PSG3: variants seen among roughly 807,000 people sequenced by gnomAD.
PSG3 encodes the protein pregnancy specific beta-1-glycoprotein 3.
PSG3 carries 61 observed loss-of-function variants against 47.5 expected under a neutral mutation model. The observed-to-expected ratio is 1.28, with a 90% CI of 1.05 to 1.59. PSG3 has a LOEUF of 1.59. Among genes scored for constraint, PSG3 ranks in the 40% most tolerant of loss-of-function variants. The pLI is 0.00. For missense variants in PSG3, 756 were observed against 524.0 expected (o/e 1.44, Z -4.32); for synonymous variants, 263 against 198.4 (o/e 1.33, Z -2.74).
Position 42,729,333 on chromosome 19 carries a change from G to A in PSG3, c.1033C>T (p.His345Tyr), listed in dbSNP as rs758611560. The A allele has an allele frequency of 6.2e-7, 1 of 1,614,126 alleles. No individual in the cohort carries two copies. The highest frequency in any genetic ancestry group is 1.1e-5 in the South Asian group (1 of 91,072). The change falls in exon 5 of 7, where the codon CAT (histidine) becomes TAT (tyrosine). Residue 345 changes from histidine to tyrosine, a missense_variant. Physicochemically the swap from His to Tyr is moderately conservative, Grantham distance 83. Coordinates refer to ENST00000327495, the MANE Select transcript of PSG3 (RefSeq NM_021016.4). ...PRIYPSFTYY[H>Y]SGENLYLSCF... ...GACAAGTAGAGGTTTTCTCCTGAATGGTAATAGGTGAATGAAGGGTAAATT... is the reference window on the plus strand; with the variant it reads ...GACAAGTAGAGGTTTTCTCCTGAATAGTAATAGGTGAATGAAGGGTAAATT...
chr19:42,735,956 T>C (rs1457895076), intron 2 of PSG3, among the ~76,000 whole-genome samples: 3 of 152,196 alleles, frequency 2.0e-5, no homozygotes, highest in Non-Finnish European at 4.4e-5. Flanking sequence ...TGAGTCCATC[T>C]GGTATCTAGT....
chr19:42,725,694 A>G (rs549402627), intron 5 of PSG3, among the ~76,000 whole-genome samples: 1 of 152,124 alleles, frequency 6.6e-6, no homozygotes, highest in African/African-American at 2.4e-5. Context: ...CCCTGTCTCT[A>G]CAAAAAAATA....
chr19:42,739,383 C>T (rs550487328), intron 1 of PSG3: 4 of 398,746 alleles, frequency 1.0e-5, no homozygotes, highest in Non-Finnish European at 1.8e-5. Flanking sequence ...TCCACACTGC[C>T]CTCAGGTCCT....
At chr19:42,730,848 T>C (rs1356592109) in intron 3 of PSG3, among the ~76,000 whole-genome samples, 1 of 152,228 alleles carries the variant, frequency 6.6e-6, no homozygotes, top group Non-Finnish European at 1.5e-5. Context: ...TGTGGATCTT[T>C]CCAGAAATAC....
In PSG3 at chr19:42,721,722, C is replaced by A. The variant is rs1969302889; in HGVS notation, c.*409G>T. 1.1e-5 allele frequency: 4 copies of A among 374,242 alleles called. No homozygotes were observed. The highest frequency in any genetic ancestry group is 1.5e-4 in the South Asian group (1 of 6,780). 23.2% of individuals were successfully genotyped at this position (374,242 alleles called of 1,614,324 possible). A position where few individuals can be genotyped will look rare whatever the true frequency, so the allele number is the denominator to read the frequency against. ...TCCCAATTCTGGGGCACTTAGGGAGCAAAAGCAAATGTTTCAATTTTTGTT... is the reference window on the plus strand; with the variant it reads ...TCCCAATTCTGGGGCACTTAGGGAGAAAAAGCAAATGTTTCAATTTTTGTT... On this transcript the variant is annotated 3_prime_UTR_variant, in exon 7 of 7. Transcript: ENST00000327495.
chr19:42,728,697 C>T (rs1396484354), intron 5 of PSG3, among the ~76,000 whole-genome samples: 3 of 152,230 alleles, frequency 2.0e-5, no homozygotes, highest in Non-Finnish European at 4.4e-5. Flanking sequence ...GCTTCCTCCT[C>T]TCATCTGGGG....
chr19:42,738,955 A>G lies in PSG3; in HGVS notation c.199T>C (p.Trp67Arg). 4 of 1,614,060 alleles carry G rather than the reference A, an allele frequency of 2.5e-6. No homozygotes were observed. The highest frequency in any genetic ancestry group is 1.7e-5 in the Admixed American group (1 of 60,016). ...NLPQNLAGYI[W>R]YKGQMKDLYH... ...AGGTCCTTCATTTGCCCTTTGTACC[A>G]GATGTAGCCAGCAAGATTCTGGGGC... The change falls in exon 2 of 7, where the codon TGG becomes CGG. Residue 67 changes from tryptophan to arginine, a missense_variant. Trp to Arg is a moderately radical substitution (Grantham distance 101). Transcript: ENST00000327495.
Position 42,740,346 on chromosome 19 carries a change from G to T in PSG3, c.39C>A (p.Ile13=), listed in dbSNP as rs371347469. Residue 13 remains isoleucine (I), a synonymous_variant, in exon 1 of 7, where the codon ATC becomes ATA. Coordinates refer to ENST00000327495, the MANE Select transcript of PSG3 (RefSeq NM_021016.4). The stretch of plus-strand genomic sequence containing the variant: ...CTGTGAGCAGGAGCCCCTTCCAGGT[G>T]ATGCGCTGTGTGCAGGGAGGGGCTG... ...PLSAPPCTQR[I]TWKGLLLTAL... is the part of the protein sequence containing the mutation. 6 of 1,613,862 alleles carry T rather than the reference G, an allele frequency of 3.7e-6. No homozygotes were observed. The African/African-American group carries it at 6.7e-5, about 18-fold the overall frequency.
rs571624183 is a variant in PSG3, at chr19:42,734,341, G to A, written c.431-1279C>T. 1.1e-4 allele frequency: 16 copies of A among 152,218 alleles called. 1 individual carries two copies. The highest frequency in any genetic ancestry group is 3.6e-4 in the African/African-American group (15 of 41,516). The allele number at this position is 152,218 out of a possible 1,614,324, so 9.4% of individuals were successfully genotyped here. A position where few individuals can be genotyped will look rare whatever the true frequency, so the allele number is the denominator to read the frequency against. Reference sequence around the variant, plus strand: ...CTGAAAAATTTAAAATCCACAATGCGCCAGTGAGCACTTCTTTTTAGCATC... The same window carrying A: ...CTGAAAAATTTAAAATCCACAATGCACCAGTGAGCACTTCTTTTTAGCATC... On this transcript the variant is annotated intron_variant, in intron 2 of 6. Coordinates refer to ENST00000327495, the MANE Select transcript of PSG3 (RefSeq NM_021016.4).
At chr19:42,735,275 A>G (rs1350571062) in intron 2 of PSG3, among the ~76,000 whole-genome samples, 1 of 152,176 alleles carries the variant, frequency 6.6e-6, no homozygotes, top group East Asian at 1.9e-4. Context: ...CAGTTTTGGA[A>G]GTTTCTATTG....
intron 5 of PSG3, among the ~76,000 whole-genome samples, chr19:42,728,901 G>C (rs574668991): frequency 6.6e-5 from 10 of 152,196 alleles, no homozygotes; most frequent in East Asian, 1.9e-4. Context: ...AGCCCGCTCC[G>C]TACCTTTCTC....
chr19:42,723,936 T>C lies in PSG3; in HGVS notation c.*40+6A>G. 6.4e-7 allele frequency: 1 copy of C among 1,567,018 alleles called. No individual in the cohort carries two copies. ...GGAACCAGGATAAGAGGAAAGGTCA[T>C]CATACCTGCCAGTCTTCCTGAAATA... is the stretch of plus-strand genomic sequence containing the variant. On this transcript the variant is annotated splice_donor_region_variant and intron_variant, in intron 6 of 6. Transcript: ENST00000327495.
At chr19:42,722,969 T>C (rs1275479744) in intron 6 of PSG3, among the ~76,000 whole-genome samples, 3 of 152,224 alleles carry the variant, frequency 2.0e-5, no homozygotes, top group Non-Finnish European at 4.4e-5. Flanking sequence ...TTTAAAAATG[T>C]TTTCCAGTGA....
intron 5 of PSG3, among the ~76,000 whole-genome samples, chr19:42,726,456 C>G (rs1840683636): frequency 1.3e-5 from 2 of 151,974 alleles, no homozygotes; most frequent in African/African-American, 4.8e-5. Context: ...AATACAAAAT[C>G]AACATTCAAA....
chr19:42,729,631 CT>C (rs1568748782), intron 4 of PSG3, 146 bp downstream of exon 4: 5 of 1,516,678 alleles, frequency 3.3e-6, no homozygotes, highest in Non-Finnish European at 4.4e-6. Context: ...CTACCCAGAT[CT>C]TCCCAGGGCA....
At chr19:42,731,292 A>G (rs1418297725) in intron 3 of PSG3, among the ~76,000 whole-genome samples, 1 of 152,246 alleles carries the variant, frequency 6.6e-6, no homozygotes, top group African/African-American at 2.4e-5. Context: ...TTTGTCATAT[A>G]CTTACTGGTT....
Position 42,721,894 on chromosome 19 carries a change from T to C in PSG3, c.*237A>G. 2.4e-6 allele frequency: 1 copy of C among 415,210 alleles called. No homozygotes were observed. The highest frequency in any genetic ancestry group is 4.4e-6 in the Non-Finnish European group (1 of 226,092). 25.7% of individuals were successfully genotyped at this position (415,210 alleles called of 1,614,324 possible). A position where few individuals can be genotyped will look rare whatever the true frequency, so the allele number is the denominator to read the frequency against. On this transcript the variant is annotated 3_prime_UTR_variant, in exon 7 of 7. Coordinates refer to ENST00000327495, the MANE Select transcript of PSG3 (RefSeq NM_021016.4). Reference sequence around the variant, plus strand: ...GTCCAATAAAATTGGGTTTTTTTCTTTGTCTTGAATTTCATGAAGTATCAG... The same window carrying C: ...GTCCAATAAAATTGGGTTTTTTTCTCTGTCTTGAATTTCATGAAGTATCAG...
At chr19:42,737,641 G>T (rs1462375547) in intron 2 of PSG3, among the ~76,000 whole-genome samples, 1 of 152,186 alleles carries the variant, frequency 6.6e-6, no homozygotes, top group Non-Finnish European at 1.5e-5. Flanking sequence ...GGATGCCTAA[G>T]AAGAGAGGAT....
In PSG3 at chr19:42,738,845, G is replaced by A; in HGVS notation, c.309C>T (p.Ser103=). The A allele has an allele frequency of 2.5e-6, 4 of 1,614,084 alleles. No individual in the cohort carries two copies. Among genetic ancestry groups the A allele is most frequent in the Non-Finnish European group, 3.4e-6 (4 of 1,180,006 alleles). Residue 103 remains serine, a synonymous_variant, in exon 2 of 7, where the codon TCC becomes TCT. Transcript: ENST00000327495. ...PAYSGRETVY[S]NASLLIQNVT... ...CATTCTGGATCAGCAGGGATGCATT[G>A]GAATATACTGTTTCTCGTCCACTGT...
Sources: gnomAD v4.1 joint callset for allele counts (sites outside exome capture counted in the v4.1 genomes callset) on GRCh38, gnomAD v4.1.1 for gene constraint, MANE v1.5 for transcripts, NCBI Gene and HGNC (gene_info 2026-07-23, HGNC 2026-07-21) for gene names.